Variants in CFTR observed in about 807,000 individuals in gnomAD.
CFTR encodes cystic fibrosis transmembrane conductance regulator.
CFTR carries 181 observed loss-of-function variants against 171.6 expected under a neutral mutation model. That is an observed-to-expected ratio of 1.05 (90% CI 0.93 to 1.19). CFTR has a LOEUF of 1.19. CFTR is among the 50% of genes most tolerant of loss of function. The probability of loss-of-function intolerance (pLI) is 0.00; values close to 1 mark genes in which losing one functional copy is unlikely to be tolerated. For missense variants in CFTR, 1,968 were observed against 1,734.7 expected (o/e 1.13, Z -2.39); for synonymous variants, 583 against 608.0 (o/e 0.96, Z 0.60).
intron 11 of CFTR, among the ~76,000 whole-genome samples, chr7:117,575,256 A>G (rs1196587136): frequency 6.6e-6 from 1 of 152,110 alleles, no homozygotes; most frequent in African/African-American, 2.4e-5. Context: ...GAAAGTTCTT[A>G]TTATAAACAG....
At chr7:117,492,039 G>A (rs34123455) in intron 1 of CFTR, among the ~76,000 whole-genome samples, 2,231 of 152,126 alleles carry the variant, frequency 0.015, 56 homozygotes, top group African/African-American at 0.051. Context: ...AACAATCCAA[G>A]AAGGTCATAA....
chr7:117,570,178 GTC>G (rs1000729229), intron 11 of CFTR, among the ~76,000 whole-genome samples: 1 of 148,526 alleles, frequency 6.7e-6, no homozygotes. Flanking sequence ...AGGTGAAGGT[GTC>G]CATCTCCTTA....
At position 117,540,272 on chromosome 7, in the gene CFTR, A is replaced by G. The variant is rs1184582207; in HGVS notation, c.1042A>G (p.Met348Val). The change falls in exon 8 of 27, where the codon ATG becomes GTG. Residue 348 changes from methionine (M) to valine (V), a missense_variant. By Grantham distance (21) the Met-to-Val change is conservative (BLOSUM62 1). Coordinates refer to ENST00000003084, the MANE Select transcript of CFTR (RefSeq NM_000492.4). ...TTISFCIVLR[M>V]AVTRQFPWAV... ...CATCTCATTCTGCATTGTTCTGCGC[A>G]TGGCGGTCACTCGGCAATTTCCCTG... The G allele has an allele frequency of 1.9e-6, 3 of 1,613,950 alleles. No homozygotes were observed. The highest frequency in any genetic ancestry group is 4.5e-5 in the East Asian group (2 of 44,898).
chr7:117,609,102 T>C (rs1792343526), intron 18 of CFTR, among the ~76,000 whole-genome samples: 1 of 152,188 alleles, frequency 6.6e-6, no homozygotes, highest in African/African-American at 2.4e-5. Flanking sequence ...TTACCCATGG[T>C]TCTGTTCTTT....
chr7:117,635,563 A>G (rs772672212), intron 22 of CFTR, among the ~76,000 whole-genome samples: 1 of 151,882 alleles, frequency 6.6e-6, no homozygotes, highest in Non-Finnish European at 1.5e-5. Flanking sequence ...TGTGGTTTTA[A>G]TCGAGCATTT....
intron 10 of CFTR, among the ~76,000 whole-genome samples, chr7:117,557,179 T>C (rs1799375383): frequency 6.6e-6 from 1 of 152,162 alleles, no homozygotes; most frequent in South Asian, 2.1e-4. Context: ...TTGTTTCCTC[T>C]TTGACCTAAG....
intron 21 of CFTR, among the ~76,000 whole-genome samples, chr7:117,627,256 T>G (rs759974238): frequency 6.6e-6 from 1 of 152,130 alleles, no homozygotes; most frequent in South Asian, 2.1e-4. Flanking sequence ...TATTCCCTTG[T>G]GTGGCTTACA....
intron 1 of CFTR, among the ~76,000 whole-genome samples, chr7:117,482,481 A>G (rs1390663292): frequency 6.6e-6 from 1 of 152,156 alleles, no homozygotes; most frequent in Non-Finnish European, 1.5e-5. Context: ...CCATATATAT[A>G]TATAAAATAA....
rs1421257199 is a variant in CFTR, at chr7:117,590,421, A to G, written c.1748A>G (p.Glu583Gly). The G allele has an allele frequency of 6.2e-7, 1 of 1,602,266 alleles. No individual in the cohort carries two copies. The highest frequency in any genetic ancestry group is 1.3e-5 in the African/African-American group (1 of 74,678). The stretch of plus-strand genomic sequence containing the variant: ...TTTGGATACCTAGATGTTTTAACAG[A>G]AAAAGAAATATTTGAAAGGTATGTT... Reference protein sequence around the residue: ...SPFGYLDVLTEKEIFESCVCK... With the variant: ...SPFGYLDVLTGKEIFESCVCK... The change falls in exon 13 of 27, where the codon GAA (glutamate) becomes GGA (glycine). Residue 583 changes from glutamate to glycine, a missense_variant. By Grantham distance (98) the Glu-to-Gly change is moderately conservative. Transcript: ENST00000003084.
chr7:117,494,341 A>G (rs978452352), intron 1 of CFTR, among the ~76,000 whole-genome samples: 1 of 152,074 alleles, frequency 6.6e-6, no homozygotes, highest in Non-Finnish European at 1.5e-5. Context: ...TTCTGTACAC[A>G]TAGTGAGAGG....
intron 8 of CFTR, 47 bp downstream of exon 8, chr7:117,540,393 G>A: frequency 6.4e-7 from 1 of 1,555,372 alleles, no homozygotes; most frequent in Non-Finnish European, 8.8e-7. Context: ...TAAATAATCA[G>A]TCAATAGATC....
intron 2 of CFTR, among the ~76,000 whole-genome samples, chr7:117,505,788 G>C (rs1798403641): frequency 6.6e-6 from 1 of 152,208 alleles, no homozygotes; most frequent in Non-Finnish European, 1.5e-5. Context: ...GAGTTGACTT[G>C]CAATTTGTTT....
At chr7:117,578,759 T>C (rs1791809908) in intron 11 of CFTR, among the ~76,000 whole-genome samples, 1 of 152,124 alleles carries the variant, frequency 6.6e-6, no homozygotes, top group African/African-American at 2.4e-5. Context: ...AGTTTAGATC[T>C]TTTTGAAGTA....
At chr7:117,558,399 A>G (rs1269345222) in intron 10 of CFTR, among the ~76,000 whole-genome samples, 1 of 151,956 alleles carries the variant, frequency 6.6e-6, no homozygotes, top group African/African-American at 2.4e-5. Flanking sequence ...CTAAAAATAC[A>G]AAAAATTAGC....
chr7:117,513,643 G>A (rs926214511), intron 3 of CFTR, among the ~76,000 whole-genome samples: 24 of 152,228 alleles, frequency 1.6e-4, no homozygotes, highest in African/African-American at 5.5e-4. Context: ...GTGTTCTCTC[G>A]GGAATTCTGT....
intron 11 of CFTR, among the ~76,000 whole-genome samples, chr7:117,585,559 A>G (rs953932492): frequency 2.0e-5 from 3 of 152,196 alleles, no homozygotes; most frequent in Non-Finnish European, 4.4e-5. Context: ...GCCTACAGTG[A>G]ATCTATTCAT....
At chr7:117,523,866 T>TA (rs1028377116) in intron 3 of CFTR, among the ~76,000 whole-genome samples, 5 of 152,258 alleles carry the variant, frequency 3.3e-5, no homozygotes, top group East Asian at 3.9e-4. Context: ...TTACTCAAAA[T>TA]AAAAAAATCT....
At chr7:117,597,301 C>T (rs1222025703) in intron 15 of CFTR, among the ~76,000 whole-genome samples, 5 of 152,130 alleles carry the variant, frequency 3.3e-5, no homozygotes, top group Admixed American at 1.3e-4. Context: ...GGACACGCGG[C>T]CTTTAAGAAC....
intron 6 of CFTR, 141 bp from the exon 7 acceptor site, chr7:117,536,407 G>C (rs934346302): frequency 4.7e-6 from 4 of 846,734 alleles, no homozygotes; most frequent in Non-Finnish European, 3.8e-6. Context: ...TATTATTTTT[G>C]TTACCATCTA....
Sources: gnomAD v4.1 joint callset for allele counts (sites outside exome capture counted in the v4.1 genomes callset) on GRCh38, gnomAD v4.1.1 for gene constraint, MANE v1.5 for transcripts, NCBI Gene and HGNC (gene_info 2026-07-23, HGNC 2026-07-21) for gene names.